The following PCDHGA11 variants were observed in gnomAD, a reference collection of about 807,000 sequenced individuals.
The protein encoded by PCDHGA11 is protocadherin gamma-A11.
A neutral mutation model predicts 60.4 loss-of-function variants in PCDHGA11; 39 were observed. The ratio of observed to expected loss-of-function variants is 0.65; its 90% confidence interval spans 0.50 to 0.84. The LOEUF (loss-of-function observed/expected upper bound fraction) is 0.84, where lower values mean the gene tolerates loss of function less well. Among genes scored for constraint, PCDHGA11 ranks in the 40% least tolerant of loss-of-function variants. The pLI is 0.00. For missense variants in PCDHGA11, 1,165 were observed against 1,197.7 expected (o/e 0.97, Z 0.40); for synonymous variants, 533 against 510.3 (o/e 1.04, Z -0.60).
In PCDHGA11 at chr5:141,486,435, A is replaced by G. The variant is rs2099629501; in HGVS notation, c.2434-8372A>G. The G allele has an allele frequency of 6.2e-7, 1 of 1,614,118 alleles. No homozygotes were observed. Among genetic ancestry groups the G allele is most frequent in the Non-Finnish European group, 8.5e-7 (1 of 1,179,960 alleles). ...TTGGATCGAGAGGCCAAATCTAGCT[A>G]TGACATCATGGTCACTGCTTCTGAT... is the stretch of plus-strand genomic sequence containing the variant. On this transcript the variant is annotated intron_variant, in intron 1 of 3. Coordinates refer to ENST00000398587, the MANE Select transcript of PCDHGA11 (RefSeq NM_018914.3). This position sits in a 1 kb window ranked among gnomAD's most constrained non-coding sequence, Gnocchi z 5.0.
intron 1 of PCDHGA11, chr5:141,433,153 A>G (rs896611410): frequency 3.1e-6 from 5 of 1,613,482 alleles, no homozygotes; most frequent in African/African-American, 2.7e-5. Flanking sequence ...GTGATTCGGT[A>G]TTTTCTAAAG....
chr5:141,489,944 T>C lies in PCDHGA11; in HGVS notation c.2434-4863T>C. On this transcript the variant is annotated intron_variant, in intron 1 of 3. Coordinates refer to ENST00000398587, the MANE Select transcript of PCDHGA11 (RefSeq NM_018914.3). The surrounding 1 kb of genome is among the most constrained non-coding windows in gnomAD (Gnocchi z 4.5). Reference sequence around the variant, plus strand: ...CTTATCTCTGTCATCGTGCTGGACATCAATGATAATGCTCCAACCTTCCAA... The same window carrying C: ...CTTATCTCTGTCATCGTGCTGGACACCAATGATAATGCTCCAACCTTCCAA... 6.2e-7 allele frequency: 1 copy of C among 1,614,172 alleles called. No homozygotes were observed. Among genetic ancestry groups the C allele is most frequent in the Non-Finnish European group, 8.5e-7 (1 of 1,180,010 alleles).
Position 141,487,298 on chromosome 5 carries a change from G to T in PCDHGA11, c.2434-7509G>T. 6.2e-7 allele frequency: 1 copy of T among 1,614,072 alleles called. No individual in the cohort carries two copies. Among genetic ancestry groups the T allele is most frequent in the Non-Finnish European group, 8.5e-7 (1 of 1,180,018 alleles). ...TTGCTTTGTCTCCTTTGGCTCATTC[G>T]TGGCACTACTCTCTAAGTGTCTTCG... On this transcript the variant is annotated intron_variant, in intron 1 of 3. Coordinates refer to ENST00000398587, the MANE Select transcript of PCDHGA11 (RefSeq NM_018914.3). This position sits in a 1 kb window ranked among gnomAD's most constrained non-coding sequence, Gnocchi z 5.0.
At position 141,455,354 on chromosome 5, in the gene PCDHGA11, T is replaced by C. The variant is rs185319743; in HGVS notation, c.2433+31694T>C. ...TGGTTTTAAGGAGCGGAGAGTTTAA[T>C]AGGCAAGAAGGAAGGGAGAAGACAG... On this transcript the variant is annotated intron_variant, in intron 1 of 3. Coordinates refer to ENST00000398587, the MANE Select transcript of PCDHGA11 (RefSeq NM_018914.3). Among the ~76,000 whole-genome samples the C allele has an allele frequency of 1.7e-3, 263 of 152,180 alleles. 2 individuals are homozygous for C. The highest frequency in any genetic ancestry group is 3.0e-3 in the Non-Finnish European group (207 of 68,010).
At chr5:141,508,835 C>T (rs1190105775) in intron 3 of PCDHGA11, among the ~76,000 whole-genome samples, 12 of 152,158 alleles carry the variant, frequency 7.9e-5, no homozygotes, top group African/African-American at 2.9e-4. Flanking sequence ...CCCCCCTCCC[C>T]TACCCCTTCC....
Position 141,485,057 on chromosome 5 carries a change from C to T in PCDHGA11, c.2434-9750C>T. 1 of 843,720 alleles carries T rather than the reference C, an allele frequency of 1.2e-6. No individual in the cohort carries two copies. The highest frequency in any genetic ancestry group is 1.9e-6 in the Non-Finnish European group (1 of 524,586). 52.3% of individuals were successfully genotyped at this position (843,720 alleles called of 1,614,324 possible). On this transcript the variant is annotated intron_variant, in intron 1 of 3. Transcript: ENST00000398587. This position sits in a 1 kb window ranked among gnomAD's most constrained non-coding sequence, Gnocchi z 5.7. The stretch of plus-strand genomic sequence containing the variant: ...GTAACCCTTGCGGCGCCGGCCGAAC[C>T]GCGCCAGAGCTGGCGCGGGGAAAGG...
intron 1 of PCDHGA11, chr5:141,478,289 G>A (rs1210628852): frequency 1.2e-6 from 2 of 1,614,146 alleles, no homozygotes; most frequent in African/African-American, 2.7e-5. Context: ...GCAGTCTAGA[G>A]ACCTATACCG....
intron 1 of PCDHGA11, chr5:141,478,613 G>T: frequency 6.4e-7 from 1 of 1,557,312 alleles, no homozygotes; most frequent in African/African-American, 1.4e-5. Flanking sequence ...ATTGAGGAAG[G>T]AATGGAGCTG....
intron 2 of PCDHGA11, among the ~76,000 whole-genome samples, chr5:141,497,920 C>T (rs548251626): frequency 6.6e-6 from 1 of 152,336 alleles, no homozygotes; most frequent in East Asian, 1.9e-4. Flanking sequence ...CTCCTTCATT[C>T]ATTCAACAAA....
At chr5:141,480,198 G>A (rs1280951298) in intron 1 of PCDHGA11, among the ~76,000 whole-genome samples, 2 of 150,780 alleles carry the variant, frequency 1.3e-5, no homozygotes, top group African/African-American at 4.9e-5. Flanking sequence ...GAGGCCAGCA[G>A]TTCAAGACCA....
chr5:141,470,037 G>A lies in PCDHGA11; in HGVS notation c.2434-24770G>A, dbSNP rs76537989. Among the ~76,000 whole-genome samples the A allele has an allele frequency of 2.3e-3, 347 of 152,258 alleles. 6 individuals are homozygous for A. The East Asian group carries it at 0.048, about 21-fold the overall frequency. On this transcript the variant is annotated intron_variant, in intron 1 of 3. Transcript: ENST00000398587. ...CCAGCTACTCGGGATGCTGAGGCGC[G>A]AGAACTGTTTGAACCCCGGAGGCAG...
intron 1 of PCDHGA11, among the ~76,000 whole-genome samples, chr5:141,460,251 A>G (rs2098984972): frequency 6.6e-6 from 1 of 152,114 alleles, no homozygotes; most frequent in Admixed American, 6.6e-5. Context: ...TAATTTTGAT[A>G]AAGCCCAATT....
Position 141,485,605 on chromosome 5 carries a change from G to A in PCDHGA11, c.2434-9202G>A. On this transcript the variant is annotated intron_variant, in intron 1 of 3. Transcript: ENST00000398587. This position sits in a 1 kb window ranked among gnomAD's most constrained non-coding sequence, Gnocchi z 5.7. The stretch of plus-strand genomic sequence containing the variant: ...AGCAGCTGGACTTGGAAATTGGGGA[G>A]GCAGCTCCTCCAGGACAGCGTTTCC... 6.2e-7 allele frequency: 1 copy of A among 1,612,448 alleles called. No homozygotes were observed. Among genetic ancestry groups the A allele is most frequent in the Non-Finnish European group, 8.5e-7 (1 of 1,178,750 alleles).
chr5:141,470,869 T>C (rs1215083835), intron 1 of PCDHGA11, among the ~76,000 whole-genome samples: 1 of 151,910 alleles, frequency 6.6e-6, no homozygotes, highest in African/African-American at 2.4e-5. Context: ...TTTGTTTGTT[T>C]GTTTTTTTGT....
chr5:141,465,430 C>T (rs1212434943), intron 1 of PCDHGA11, among the ~76,000 whole-genome samples: 2 of 152,150 alleles, frequency 1.3e-5, no homozygotes, highest in Non-Finnish European at 2.9e-5. Context: ...AAGGTGGGCA[C>T]TTAATGATTA....
intron 1 of PCDHGA11, among the ~76,000 whole-genome samples, chr5:141,451,067 A>G (rs948528671): frequency 6.6e-6 from 1 of 151,848 alleles, no homozygotes; most frequent in African/African-American, 2.4e-5. Flanking sequence ...TGACCTTGTG[A>G]TCCACCCACC....
At chr5:141,502,406 T>G (rs1390520101) in intron 2 of PCDHGA11, among the ~76,000 whole-genome samples, 1 of 152,072 alleles carries the variant, frequency 6.6e-6, no homozygotes, top group African/African-American at 2.4e-5. Context: ...TCCCCGAACC[T>G]GGATTTGCTG....
At chr5:141,444,692 T>G (rs531452351) in intron 1 of PCDHGA11, among the ~76,000 whole-genome samples, 1 of 152,360 alleles carries the variant, frequency 6.6e-6, no homozygotes, top group South Asian at 2.1e-4. Context: ...TTAAAAATAT[T>G]TTCCTCTTTC....
intron 1 of PCDHGA11, among the ~76,000 whole-genome samples, chr5:141,456,876 T>C (rs188356008): frequency 1.5e-3 from 222 of 152,196 alleles, no homozygotes; most frequent in African/African-American, 5.2e-3. Flanking sequence ...GGCAGGAGAA[T>C]CGCTTGAACC....
Sources: allele counts gnomAD v4.1 joint callset (sites outside exome capture counted in the v4.1 genomes callset), GRCh38; gene constraint gnomAD v4.1.1; non-coding constraint Gnocchi (gnomAD v3.1); transcripts MANE v1.5; gene names NCBI Gene and HGNC (gene_info 2026-07-23, HGNC 2026-07-21).